CSNK1G3: variants seen among roughly 807,000 people sequenced by gnomAD.
The protein encoded by CSNK1G3 is casein kinase 1 gamma 3, also known as casein kinase I isoform gamma-3.
In CSNK1G3, 23 loss-of-function variants were observed where a neutral mutation model predicts 64.3. That is an observed-to-expected ratio of 0.36 (90% CI 0.26 to 0.51). The LOEUF is 0.51. Ranked by LOEUF, CSNK1G3 falls within the 20% of genes least tolerant of loss-of-function variation. CSNK1G3 has a pLI of 0.96. For missense variants in CSNK1G3, 357 were observed against 510.5 expected, an observed-to-expected ratio of 0.70 and a Z score of 2.90; for synonymous variants, 158 against 162.2, an observed-to-expected ratio of 0.97 and a Z score of 0.20.
At chr5:123,537,740 T>C (rs1464066888) in intron 1 of CSNK1G3, among the ~76,000 whole-genome samples, 1 of 152,158 alleles carries the variant, frequency 6.6e-6, no homozygotes, top group Non-Finnish European at 1.5e-5. Context: ...TATAGTTTGA[T>C]GAGTTTTGGC....
intron 1 of CSNK1G3, among the ~76,000 whole-genome samples, chr5:123,536,129 A>G (rs1780755404): frequency 6.6e-6 from 1 of 152,154 alleles, no homozygotes; most frequent in Non-Finnish European, 1.5e-5. Context: ...CCACCTACAC[A>G]TATTTCTGTA....
chr5:123,591,191 C>T, intron 9 of CSNK1G3, 128 bp from the exon 10 acceptor site: 5 of 471,830 alleles, frequency 1.1e-5, no homozygotes, highest in East Asian at 7.0e-5. Context: ...ATAATGATGC[C>T]TTTACTTAAA....
At chr5:123,606,537 T>G (rs780899998) in intron 12 of CSNK1G3, among the ~76,000 whole-genome samples, 1 of 152,168 alleles carries the variant, frequency 6.6e-6, no homozygotes, top group Non-Finnish European at 1.5e-5. Flanking sequence ...ACCTACTTCA[T>G]AGGTTGAGAA....
At chr5:123,547,411 C>A (rs1042482851) in intron 2 of CSNK1G3, among the ~76,000 whole-genome samples, 1 of 152,024 alleles carries the variant, frequency 6.6e-6, no homozygotes, top group African/African-American at 2.4e-5. Context: ...AATACACACA[C>A]ATATATACAC....
At chr5:123,596,736 T>C (rs1793514342) in intron 10 of CSNK1G3, among the ~76,000 whole-genome samples, 1 of 152,118 alleles carries the variant, frequency 6.6e-6, no homozygotes, top group Non-Finnish European at 1.5e-5. Context: ...CATCCTAATA[T>C]TCAATAAGTG....
chr5:123,578,527 A>G (rs1394923512), intron 6 of CSNK1G3, among the ~76,000 whole-genome samples: 1 of 151,896 alleles, frequency 6.6e-6, no homozygotes, highest in East Asian at 1.9e-4. Flanking sequence ...ATATATATGC[A>G]TTATGAGTAA....
intron 1 of CSNK1G3, among the ~76,000 whole-genome samples, chr5:123,537,229 A>G (rs1204011308): frequency 6.6e-6 from 1 of 152,212 alleles, no homozygotes; most frequent in Admixed American, 6.6e-5. Flanking sequence ...AATGTAGTAT[A>G]TATACATAAT....
At chr5:123,532,769 A>G (rs1024307281) in intron 1 of CSNK1G3, among the ~76,000 whole-genome samples, 2 of 151,942 alleles carry the variant, frequency 1.3e-5, no homozygotes, top group Non-Finnish European at 2.9e-5. Context: ...TTTAGGATGC[A>G]AGTTACTCGT....
At chr5:123,575,654 T>C in intron 5 of CSNK1G3, 75 bp from the exon 6 acceptor site, 1 of 816,608 alleles carries the variant, frequency 1.2e-6, no homozygotes, top group Non-Finnish European at 2.0e-6. Flanking sequence ...TTTCATTCTG[T>C]CTTGCCTTTA....
At chr5:123,569,796 T>A (rs1258151827) in intron 4 of CSNK1G3, among the ~76,000 whole-genome samples, 1 of 81,818 alleles carries the variant, frequency 1.2e-5, no homozygotes. Flanking sequence ...ATAGAAAAGT[T>A]AAAAGTTCTC....
Position 123,546,364 on chromosome 5 carries a change from A to G in CSNK1G3, c.178+523A>G, listed in dbSNP as rs190197925. Among the ~76,000 whole-genome samples, 450 of 152,214 alleles carry G rather than the reference A, an allele frequency of 3.0e-3. 1 individual carries two copies. The highest frequency in any genetic ancestry group is 4.9e-3 in the Non-Finnish European group (330 of 67,992). ...AGTCTATATTCTTAACAAGGGGCTC[A>G]GAGTATTGATTCAGGTTATTATAAT... On this transcript the variant is annotated intron_variant, in intron 2 of 12. Transcript: ENST00000345990.
intron 5 of CSNK1G3, among the ~76,000 whole-genome samples, chr5:123,574,260 A>G (rs1050793538): frequency 6.6e-6 from 1 of 152,200 alleles, no homozygotes; most frequent in Non-Finnish European, 1.5e-5. Flanking sequence ...TCCGTTGGAT[A>G]ACAATTAGAG....
At chr5:123,536,409 G>T in intron 1 of CSNK1G3, among the ~76,000 whole-genome samples, 1 of 135,832 alleles carries the variant, frequency 7.4e-6, no homozygotes, top group African/African-American at 2.8e-5. Flanking sequence ...CTTCTAAATT[G>T]AAAAAATATG....
At chr5:123,537,069 A>G (rs1241768225) in intron 1 of CSNK1G3, among the ~76,000 whole-genome samples, 3 of 152,224 alleles carry the variant, frequency 2.0e-5, no homozygotes, top group Non-Finnish European at 4.4e-5. Flanking sequence ...CACTGGATCC[A>G]GCAATCTCAC....
chr5:123,563,253 A>G (rs1338703767), intron 4 of CSNK1G3, among the ~76,000 whole-genome samples: 2 of 152,062 alleles, frequency 1.3e-5, no homozygotes, highest in Non-Finnish European at 2.9e-5. Flanking sequence ...GACACCATTC[A>G]TATGTTAAAT....
intron 1 of CSNK1G3, among the ~76,000 whole-genome samples, chr5:123,523,107 T>A (rs1355222514): frequency 1.3e-5 from 2 of 151,566 alleles, no homozygotes; most frequent in African/African-American, 4.9e-5. Context: ...AACATCAGGA[T>A]GGAAGGGACT....
At chr5:123,540,583 C>T (rs1781521886) in intron 1 of CSNK1G3, among the ~76,000 whole-genome samples, 1 of 151,406 alleles carries the variant, frequency 6.6e-6, no homozygotes, top group African/African-American at 2.4e-5. Flanking sequence ...GTTTAATTTT[C>T]AAATTTTGGG....
In CSNK1G3 at chr5:123,547,281, T is replaced by C. The variant is rs535826685; in HGVS notation, c.178+1440T>C. Among the ~76,000 whole-genome samples the C allele has an allele frequency of 3.9e-5, 6 of 152,244 alleles. No individual in the cohort carries two copies. In the East Asian group the frequency reaches 1.2e-3, roughly 29 times the overall value. On this transcript the variant is annotated intron_variant, in intron 2 of 12. Coordinates refer to ENST00000345990, the Ensembl canonical transcript of CSNK1G3. ...TATTGTGAGGATTAAATTTAGATGA[T>C]ACTGTAAAAAGACCAACACTATACT...
At chr5:123,525,017 A>G (rs931033039) in intron 1 of CSNK1G3, among the ~76,000 whole-genome samples, 2 of 152,192 alleles carry the variant, frequency 1.3e-5, no homozygotes, top group African/African-American at 4.8e-5. Context: ...AAGATTTAAA[A>G]CTTAACACAG....
Sources: gnomAD v4.1 joint callset for allele counts (sites outside exome capture counted in the v4.1 genomes callset) on GRCh38, gnomAD v4.1.1 for gene constraint, MANE v1.5 for transcripts, NCBI Gene and HGNC (gene_info 2026-07-23, HGNC 2026-07-21) for gene names.